LIG1: variants seen among roughly 807,000 people sequenced by gnomAD.
The protein encoded by LIG1 is ligase I, DNA, ATP-dependent.
LIG1 carries 70 observed loss-of-function variants against 115.7 expected under a neutral mutation model. That is an observed-to-expected ratio of 0.60 (90% confidence interval 0.50 to 0.74). The LOEUF (loss-of-function observed/expected upper bound fraction) is 0.74. LIG1 is among the 30% of genes least tolerant of loss of function. The probability of loss-of-function intolerance (pLI) is 0.00; values close to 1 mark genes in which losing one functional copy is unlikely to be tolerated. For synonymous variants in LIG1, 487 were observed against 495.3 expected (o/e 0.98, Z 0.22); for missense variants, 1,115 against 1,225.6 (o/e 0.91, Z 1.35).
chr19:48,123,385 T>C, intron 21 of LIG1, 67 bp from the exon 22 acceptor site: 1 of 1,575,030 alleles, frequency 6.3e-7, no homozygotes, highest in Non-Finnish European at 8.6e-7. Context: ...AAGCCCTAAA[T>C]GTGAGGCGAA....
At chr19:48,168,968 G>A (rs1012244910) in intron 1 of LIG1, among the ~76,000 whole-genome samples, 1 of 151,968 alleles carries the variant, frequency 6.6e-6, no homozygotes, top group Non-Finnish European at 1.5e-5. Context: ...TCAATAAAGC[G>A]GTTACCAAAA....
chr19:48,126,980 C>G (rs1244630595), intron 21 of LIG1: 3 of 425,770 alleles, frequency 7.0e-6, no homozygotes, highest in Non-Finnish European at 1.3e-5. Context: ...TCTGGCTTAA[C>G]AGAGGCTGGA....
intron 14 of LIG1, 132 bp downstream of exon 14, chr19:48,136,876 G>A (rs144920800): frequency 2.6e-6 from 2 of 766,214 alleles, no homozygotes; most frequent in African/African-American, 1.7e-5. Flanking sequence ...TTAGGGGCTG[G>A]GCCTCCTGCT....
chr19:48,138,550 A>C (rs1159502874), intron 12 of LIG1, among the ~76,000 whole-genome samples: 1 of 152,214 alleles, frequency 6.6e-6, no homozygotes, highest in Non-Finnish European at 1.5e-5. Flanking sequence ...TTATCGAATC[A>C]CACATCAAAG....
intron 4 of LIG1, among the ~76,000 whole-genome samples, chr19:48,157,604 G>A (rs2035932234): frequency 6.6e-6 from 1 of 152,126 alleles, no homozygotes; most frequent in African/African-American, 2.4e-5. Context: ...GAGTGCAGTG[G>A]CGCGATCTCG....
intron 4 of LIG1, 108 bp downstream of exon 4, chr19:48,161,264 C>T: frequency 6.6e-7 from 1 of 1,507,870 alleles, no homozygotes; most frequent in Non-Finnish European, 9.2e-7. Context: ...ATCTACCTCT[C>T]CCGGGCAATT....
chr19:48,151,885 A>C (rs968320960), intron 6 of LIG1, among the ~76,000 whole-genome samples: 3 of 150,136 alleles, frequency 2.0e-5, no homozygotes, highest in African/African-American at 7.6e-5. Context: ...TATTCACCCC[A>C]AAATAGAATC....
At chr19:48,163,203 CCCCCGCG>C (rs1046567655) in intron 2 of LIG1, among the ~76,000 whole-genome samples, 24 of 146,804 alleles carry the variant, frequency 1.6e-4, no homozygotes, top group African/African-American at 6.0e-4. Context: ...CAGGCATGTG[CCCCCGCG>C]CCCAGCCTAA....
At chr19:48,127,139 T>A in intron 21 of LIG1, 138 bp downstream of exon 21, 1 of 750,632 alleles carries the variant, frequency 1.3e-6, no homozygotes, top group South Asian at 1.4e-5. Flanking sequence ...GACCACACTT[T>A]GAGAACTGCT....
intron 5 of LIG1, 68 bp downstream of exon 5, chr19:48,156,946 A>G (rs1265146698): frequency 1.7e-6 from 2 of 1,189,732 alleles, no homozygotes; most frequent in African/African-American, 1.7e-5. Flanking sequence ...CTCAAAAAAA[A>G]AAAAAAAAAA....
In LIG1 at chr19:48,162,273, C is replaced by CTCCG. The variant is rs749524004; in HGVS notation, c.92_95dup (p.Glu32AspfsTer20). The CTCCG allele has an allele frequency of 6.2e-7, 1 of 1,613,548 alleles. No homozygotes were observed. The highest frequency in any genetic ancestry group is 8.5e-7 in the Non-Finnish European group (1 of 1,179,532). On this transcript the variant is annotated frameshift_variant, in exon 3 of 28. Transcript: ENST00000263274. LOFTEE classifies it high-confidence loss of function. ...GCCCTGTGACATACTTTGGAGGGGG[C>CTCCG]TCCGTCTCTCTGCTGCTATTGGATG...
Position 48,136,205 on chromosome 19 carries a change from C to A in LIG1, c.1332-80G>T. 3.7e-6 allele frequency: 4 copies of A among 1,069,532 alleles called. No individual in the cohort carries two copies. The South Asian group carries it at 5.4e-5, about 14-fold the overall frequency. The allele number at this position is 1,069,532 out of a possible 1,614,324, so 66.3% of individuals were successfully genotyped here. A position where few individuals can be genotyped will look rare whatever the true frequency, so the allele number is the denominator to read the frequency against. On this transcript the variant is annotated intron_variant, in intron 14 of 27. Coordinates refer to ENST00000263274, the MANE Select transcript of LIG1 (RefSeq NM_000234.3). Reference sequence around the variant, plus strand: ...CTCCTCCCTTCTCTGATCTCCTCGACCTTGATGTATGTAGACCCTCTCCTC... The same window carrying A: ...CTCCTCCCTTCTCTGATCTCCTCGAACTTGATGTATGTAGACCCTCTCCTC...
chr19:48,142,313 G>A (rs2034813830), intron 11 of LIG1, among the ~76,000 whole-genome samples: 1 of 151,836 alleles, frequency 6.6e-6, no homozygotes, highest in Non-Finnish European at 1.5e-5. Flanking sequence ...CATGGTGGCA[G>A]GTGCCTGTAG....
At chr19:48,153,192 C>CAAA (rs776965171) in intron 6 of LIG1, among the ~76,000 whole-genome samples, 9 of 64,388 alleles carry the variant, frequency 1.4e-4, no homozygotes, top group African/African-American at 3.0e-4. Flanking sequence ...GAGACTGTCT[C>CAAA]AAAAAAAAAA....
At position 48,153,637 on chromosome 19, in the gene LIG1, AACACACACACACAC is replaced by A. The variant is rs36171813; in HGVS notation, c.466+221_466+234del. Among the ~76,000 whole-genome samples the A allele has an allele frequency of 5.0e-3, 292 of 58,778 alleles. 2 individuals are homozygous for A. The highest frequency in any genetic ancestry group is 7.8e-3 in the African/African-American group (114 of 14,696). 38.6% of individuals were successfully genotyped at this position (58,778 alleles called of 152,430 possible). A position where few individuals can be genotyped will look rare whatever the true frequency, so the allele number is the denominator to read the frequency against. ...CAGGCCCCTGCCCTTGCAGATCCAA[AACACACACACACAC>A]ACACACACACACACACACACACACA... On this transcript the variant is annotated intron_variant, in intron 6 of 27. Transcript: ENST00000263274.
At chr19:48,138,105 G>A (rs1210365001) in intron 12 of LIG1, among the ~76,000 whole-genome samples, 1 of 152,086 alleles carries the variant, frequency 6.6e-6, no homozygotes, top group Non-Finnish European at 1.5e-5. Context: ...AAGACCCTTC[G>A]GCTTGTTTTG....
chr19:48,160,111 T>G (rs1453250019), intron 4 of LIG1, among the ~76,000 whole-genome samples: 2 of 152,214 alleles, frequency 1.3e-5, no homozygotes, highest in Non-Finnish European at 2.9e-5. Flanking sequence ...AACGCAGACC[T>G]GCTGACACCT....
At position 48,115,889 on chromosome 19, in the gene LIG1, G is replaced by C; in HGVS notation, c.2660C>G (p.Ala887Gly). The change falls in exon 27 of 28, where the codon GCC (alanine) becomes GGC (glycine). Residue 887 changes from alanine to glycine, a missense_variant. Coordinates refer to ENST00000263274, the MANE Select transcript of LIG1 (RefSeq NM_000234.3). The part of the protein sequence containing the change: ...RVREDKQPEQ[A>G]TTSAQVACLY... The stretch of plus-strand genomic sequence containing the variant: ...GGACCTCACCTGAGCACTGGTGGTG[G>C]CCTGCTCCGGCTGCTTGTCTTCACG... 1.9e-6 allele frequency: 3 copies of C among 1,613,818 alleles called. No homozygotes were observed. Among genetic ancestry groups the C allele is most frequent in the Non-Finnish European group, 2.5e-6 (3 of 1,179,860 alleles).
chr19:48,139,595 C>T (rs1291089094), intron 12 of LIG1, among the ~76,000 whole-genome samples: 2 of 152,188 alleles, frequency 1.3e-5, no homozygotes, highest in African/African-American at 4.8e-5. Flanking sequence ...GCCCCCCACA[C>T]ACCATGTTCT....
Sources: gnomAD v4.1 joint callset for allele counts (sites outside exome capture counted in the v4.1 genomes callset) on GRCh38, gnomAD v4.1.1 for gene constraint, MANE v1.5 for transcripts, NCBI Gene and HGNC (gene_info 2026-07-23, HGNC 2026-07-21) for gene names.